The following ANO1 variants were observed in gnomAD, a reference collection of about 807,000 sequenced individuals.
ANO1 encodes anoctamin-1.
Under a neutral mutation model 124.0 loss-of-function variants are expected in ANO1, and 59 were observed. That is an observed-to-expected ratio of 0.48 (90% CI 0.39 to 0.59). The LOEUF (loss-of-function observed/expected upper bound fraction) is 0.59, where lower values mean the gene tolerates loss of function less well. ANO1 is among the 20% of genes least tolerant of loss of function. ANO1 has a pLI of 0.00. For missense variants in ANO1, 1,059 were observed against 1,328.0 expected (o/e 0.80, Z 3.15); for synonymous variants, 529 against 532.0 (o/e 0.99, Z 0.08).
At chr11:70,161,026 A>G in intron 16 of ANO1, 135 bp from the exon 17 acceptor site, 1 of 844,130 alleles carries the variant, frequency 1.2e-6, no homozygotes, top group South Asian at 1.8e-5. Context: ...GCAGGTGCCC[A>G]AGAAATGTCA....
intron 1 of ANO1, among the ~76,000 whole-genome samples, chr11:70,012,771 C>T (rs2134973060): frequency 6.6e-6 from 1 of 152,304 alleles, no homozygotes; most frequent in Non-Finnish European, 1.5e-5. Context: ...ACACATTCAT[C>T]CATCCATTTG....
chr11:70,023,476 C>A (rs1024008532), intron 1 of ANO1, among the ~76,000 whole-genome samples: 1 of 152,146 alleles, frequency 6.6e-6, no homozygotes, highest in African/African-American at 2.4e-5. Flanking sequence ...ATAGCCTTCC[C>A]CAAATGTAGA....
At chr11:69,988,141 C>A (rs1554997093) in intron 1 of ANO1, among the ~76,000 whole-genome samples, 1 of 152,208 alleles carries the variant, frequency 6.6e-6, no homozygotes, top group Non-Finnish European at 1.5e-5. Flanking sequence ...TTCGCTCTGT[C>A]CATGTCATTT....
At chr11:69,999,157 G>A (rs1369254781) in intron 1 of ANO1, among the ~76,000 whole-genome samples, 1 of 152,180 alleles carries the variant, frequency 6.6e-6, no homozygotes, top group Non-Finnish European at 1.5e-5. Context: ...AAGCATGGCG[G>A]CATCTGCTCA....
chr11:70,000,565 A>G (rs887695886), intron 1 of ANO1, among the ~76,000 whole-genome samples: 17 of 151,882 alleles, frequency 1.1e-4, no homozygotes, highest in Non-Finnish European at 1.8e-4. Flanking sequence ...CCTACTGCTC[A>G]TGGGTGTGGA....
At chr11:70,109,961 G>A (rs59855037) in intron 6 of ANO1, among the ~76,000 whole-genome samples, 2 of 152,018 alleles carry the variant, frequency 1.3e-5, no homozygotes, top group Non-Finnish European at 2.9e-5. Flanking sequence ...AAATTCATCC[G>A]CAAGTGCTGA....
intron 22 of ANO1, among the ~76,000 whole-genome samples, chr11:70,173,908 G>T (rs1183222286): frequency 6.6e-6 from 1 of 151,644 alleles, no homozygotes; most frequent in South Asian, 2.1e-4. Flanking sequence ...AAAATTAGCT[G>T]GGCATGCAAA....
At chr11:70,159,543 A>G (rs1301377186) in intron 16 of ANO1, among the ~76,000 whole-genome samples, 1 of 152,218 alleles carries the variant, frequency 6.6e-6, no homozygotes, top group Non-Finnish European at 1.5e-5. Flanking sequence ...TGGGAGTTTC[A>G]TTCAGCGAAC....
chr11:69,987,604 CAAAAA>C (rs202001305), intron 1 of ANO1, among the ~76,000 whole-genome samples: 18 of 109,702 alleles, frequency 1.6e-4, no homozygotes, highest in Admixed American at 3.6e-4. Flanking sequence ...GACCATGTCT[CAAAAA>C]AAAAAAAAAA....
At chr11:70,017,011 G>A (rs1856714397) in intron 1 of ANO1, among the ~76,000 whole-genome samples, 1 of 152,148 alleles carries the variant, frequency 6.6e-6, no homozygotes, top group South Asian at 2.1e-4. Context: ...TTCCCCTCTA[G>A]AATCCAGGCT....
intron 1 of ANO1, among the ~76,000 whole-genome samples, chr11:69,988,840 C>T (rs1443101408): frequency 6.6e-6 from 1 of 152,138 alleles, no homozygotes; most frequent in African/African-American, 2.4e-5. Flanking sequence ...GGTATATCCC[C>T]TTCTCTTGGA....
At chr11:70,109,076 C>T (rs2045668831) in intron 6 of ANO1, among the ~76,000 whole-genome samples, 1 of 152,204 alleles carries the variant, frequency 6.6e-6, no homozygotes, top group African/African-American at 2.4e-5. Context: ...CCAGCCTTTC[C>T]TCCCCTCCTT....
intron 11 of ANO1, among the ~76,000 whole-genome samples, chr11:70,147,356 C>A (rs1419939759): frequency 1.3e-5 from 2 of 152,190 alleles, no homozygotes; most frequent in East Asian, 3.9e-4. Context: ...GGGGAGGGTG[C>A]CCACCGCAGA....
At chr11:70,167,922 C>A (rs1025615340) in intron 21 of ANO1, among the ~76,000 whole-genome samples, 1 of 152,234 alleles carries the variant, frequency 6.6e-6, no homozygotes, top group African/African-American at 2.4e-5. Flanking sequence ...CTCATCTCCC[C>A]TTCCTGGTGG....
chr11:70,046,359 A>G (rs1213791650), intron 1 of ANO1, among the ~76,000 whole-genome samples: 1 of 152,116 alleles, frequency 6.6e-6, no homozygotes, highest in Non-Finnish European at 1.5e-5. Context: ...TGGGGGTGGG[A>G]GGCTGTTAAC....
intron 12 of ANO1, among the ~76,000 whole-genome samples, chr11:70,151,529 G>T (rs975669056): frequency 6.6e-6 from 1 of 152,222 alleles, no homozygotes; most frequent in African/African-American, 2.4e-5. Flanking sequence ...TGTCCCTGTG[G>T]CTGGGGAAAG....
At chr11:69,994,109 C>CG (rs1374724509) in intron 1 of ANO1, among the ~76,000 whole-genome samples, 2 of 151,282 alleles carry the variant, frequency 1.3e-5, no homozygotes, top group African/African-American at 4.9e-5. Flanking sequence ...GTTAACCCCC[C>CG]CCCACAGTCA....
At chr11:70,066,456 G>C (rs560813653) in intron 1 of ANO1, among the ~76,000 whole-genome samples, 2 of 152,186 alleles carry the variant, frequency 1.3e-5, no homozygotes, top group African/African-American at 2.4e-5. Context: ...AGGGACAGAG[G>C]GGGAGGAGGC....
At chr11:70,111,014 A>C (rs548818634) in intron 6 of ANO1, 4 of 410,070 alleles carry the variant, frequency 9.8e-6, no homozygotes, top group South Asian at 6.9e-5. Context: ...CTCCAGGAGC[A>C]CTGGACGGCT....
Sources: gnomAD v4.1 joint callset for allele counts (sites outside exome capture counted in the v4.1 genomes callset) on GRCh38, gnomAD v4.1.1 for gene constraint, MANE v1.5 for transcripts, NCBI Gene and HGNC (gene_info 2026-07-23, HGNC 2026-07-21) for gene names.